Variants in PPID observed in about 807,000 individuals in gnomAD.
PPID encodes the protein peptidyl-prolyl cis-trans isomerase D.
A neutral mutation model predicts 48.1 loss-of-function variants in PPID; 47 were observed. That is an observed-to-expected ratio of 0.98 (90% CI 0.77 to 1.25). PPID has a LOEUF of 1.25. Among genes scored for constraint, PPID ranks in the 50% most tolerant of loss-of-function variants. The probability of loss-of-function intolerance (pLI) is 0.00; values close to 1 mark genes in which losing one functional copy is unlikely to be tolerated. For synonymous variants in PPID, 163 were observed against 148.8 expected (o/e 1.10, Z -0.69); for missense variants, 429 against 443.5 (o/e 0.97, Z 0.29).
At chr4:158,717,384 A>G (rs1353570252) in intron 3 of PPID, among the ~76,000 whole-genome samples, 184 bp from the exon 4 acceptor site, 1 of 152,160 alleles carries the variant, frequency 6.6e-6, no homozygotes, top group Non-Finnish European at 1.5e-5. Flanking sequence ...TTTTTTATAA[A>G]CTGCAACCTT....
Position 158,715,410 on chromosome 4 carries a change from A to C in PPID, c.646-7T>G. On this transcript the variant is annotated splice_region_variant and splice_polypyrimidine_tract_variant and intron_variant, in intron 5 of 9. Transcript: ENST00000307720. Reference sequence around the variant, plus strand: ...TTAATAAAATTTTATCTACCTGTATAAAAAAATACAAATATGTTGGATTTT... The same window carrying C: ...TTAATAAAATTTTATCTACCTGTATCAAAAAATACAAATATGTTGGATTTT... The C allele has an allele frequency of 6.7e-7, 1 of 1,489,916 alleles. No individual in the cohort carries two copies. The highest frequency in any genetic ancestry group is 1.9e-4 in the Middle Eastern group (1 of 5,262). 92.3% of individuals were successfully genotyped at this position (1,489,916 alleles called of 1,614,324 possible). A position where few individuals can be genotyped will look rare whatever the true frequency, so the allele number is the denominator to read the frequency against.
intron 2 of PPID, among the ~76,000 whole-genome samples, 193 bp downstream of exon 2, chr4:158,721,150 A>T (rs1030441576): frequency 6.6e-6 from 1 of 152,218 alleles, no homozygotes; most frequent in African/African-American, 2.4e-5. Context: ...ATTTCTCTAT[A>T]GATAAACCTT....
At chr4:158,715,231 T>C (rs1774851340) in intron 6 of PPID, 66 bp downstream of exon 6, 3 of 1,253,626 alleles carry the variant, frequency 2.4e-6, no homozygotes, top group Admixed American at 3.4e-5. Context: ...TAATGAGCAA[T>C]TCTTAATTTT....
intron 6 of PPID, among the ~76,000 whole-genome samples, 179 bp downstream of exon 6, chr4:158,715,118 A>G (rs932114903): frequency 6.7e-6 from 1 of 148,674 alleles, no homozygotes; most frequent in African/African-American, 2.5e-5. Flanking sequence ...CTACTCGTTC[A>G]ACTTCTGTCT....
chr4:158,710,436 G>T, intron 9 of PPID, 192 bp downstream of exon 9: 2 of 628,914 alleles, frequency 3.2e-6, no homozygotes, highest in East Asian at 5.5e-5. Flanking sequence ...AATGGGAGTA[G>T]AATGTAAGCT....
rs148824218 is a variant in PPID at position 158,721,370 on chromosome 4, G to A, written c.199C>T (p.His67Tyr). The A allele has an allele frequency of 1.7e-5, 27 of 1,614,102 alleles. No individual in the cohort carries two copies. In the African/African-American group the frequency reaches 2.1e-4, roughly 13 times the overall value. The part of the protein sequence containing the change: ...GIGHTTGKPL[H>Y]FKGCPFHRII... Reference sequence around the variant, plus strand: ...CGATGAAAAGGGCATCCTTTGAAATGGAGAGGTTTCCCAGTCGTGTGTCCA... The same window carrying A: ...CGATGAAAAGGGCATCCTTTGAAATAGAGAGGTTTCCCAGTCGTGTGTCCA... Residue 67 changes from histidine (H) to tyrosine (Y), a missense_variant, in exon 2 of 10, where the codon CAT becomes TAT. By Grantham distance (83) the His-to-Tyr change is moderately conservative. Transcript: ENST00000307720.
At chr4:158,721,873 T>A (rs1032086210) in intron 1 of PPID, among the ~76,000 whole-genome samples, 1 of 152,214 alleles carries the variant, frequency 6.6e-6, no homozygotes, top group Non-Finnish European at 1.5e-5. Context: ...ATTCATGTTG[T>A]CAGAAGTGAC....
At position 158,723,290 on chromosome 4, in the gene PPID, T is replaced by C. The variant is rs1774994502; in HGVS notation, c.-2A>G. 8.1e-6 allele frequency: 13 copies of C among 1,613,426 alleles called. No individual in the cohort carries two copies. The highest frequency in any genetic ancestry group is 1.3e-5 in the African/African-American group (1 of 75,014). On this transcript the variant is annotated 5_prime_UTR_variant, in exon 1 of 10. Coordinates refer to ENST00000307720, the MANE Select transcript of PPID (RefSeq NM_005038.3). ...GGCTTGGGGGGACGGGTGCGACATC[T>C]TGACTTGCAGACGTGTTTAGTACGG...
chr4:158,721,942 T>TA (rs1412943282), intron 1 of PPID, among the ~76,000 whole-genome samples: 8 of 152,140 alleles, frequency 5.3e-5, no homozygotes, highest in South Asian at 2.1e-4. Context: ...TATCAAATTT[T>TA]AAAAAAAATC....
chr4:158,717,857 G>A (rs1774896855), intron 3 of PPID, among the ~76,000 whole-genome samples: 1 of 152,124 alleles, frequency 6.6e-6, no homozygotes, highest in Admixed American at 6.5e-5. Flanking sequence ...TTCTACCTTG[G>A]CATAATCCTG....
At chr4:158,714,249 T>G (rs954016078) in intron 6 of PPID, among the ~76,000 whole-genome samples, 2 of 152,202 alleles carry the variant, frequency 1.3e-5, no homozygotes, top group African/African-American at 4.8e-5. Context: ...CACCTCAGAC[T>G]AACAAATGCT....
chr4:158,710,586 AAAT>A, intron 9 of PPID, 39 bp downstream of exon 9: 1 of 1,585,710 alleles, frequency 6.3e-7, no homozygotes, highest in Non-Finnish European at 8.7e-7. Context: ...ATAAGTATTT[AAAT>A]AACAAAATTA....
intron 4 of PPID, among the ~76,000 whole-genome samples, chr4:158,716,452 G>C (rs1352998452): frequency 1.3e-5 from 2 of 151,552 alleles, no homozygotes; most frequent in African/African-American, 4.9e-5. Flanking sequence ...CAGTTTTGCA[G>C]GTATAGGAAG....
chr4:158,714,402 A>G (rs1774835812), intron 6 of PPID, among the ~76,000 whole-genome samples: 1 of 152,196 alleles, frequency 6.6e-6, no homozygotes, highest in Admixed American at 6.5e-5. Context: ...AATCTTAAGG[A>G]AACAAACACA....
At chr4:158,715,482 AAAC>A (rs1330665341) in intron 5 of PPID, 77 bp downstream of exon 5, 5 of 1,556,940 alleles carry the variant, frequency 3.2e-6, no homozygotes, top group East Asian at 2.3e-5. Flanking sequence ...TGAGAGACTG[AAAC>A]AAAAGCTCAA....
chr4:158,717,112 T>A lies in PPID; in HGVS notation c.422A>T (p.His141Leu), dbSNP rs1029605285. The change falls in exon 4 of 10, where the codon CAT becomes CTT. Residue 141 changes from histidine to leucine, a missense_variant. By Grantham distance (99) the His-to-Leu change is moderately conservative (BLOSUM62 -3). Transcript: ENST00000307720. ...QFFITTVPTP[H>L]LDGKHVVFGQ... Reference sequence around the variant, plus strand: ...AAACACCACATGTTTCCCATCCAAATGAGGAGTTGGAACTGTTGTGATAAA... The same window carrying A: ...AAACACCACATGTTTCCCATCCAAAAGAGGAGTTGGAACTGTTGTGATAAA... 2.5e-6 allele frequency: 4 copies of A among 1,613,898 alleles called. No individual in the cohort carries two copies. The African/African-American group carries it at 4.0e-5, about 16-fold the overall frequency.
At chr4:158,719,904 A>G (rs1203132114) in intron 2 of PPID, among the ~76,000 whole-genome samples, 2 of 152,228 alleles carry the variant, frequency 1.3e-5, no homozygotes, top group Non-Finnish European at 2.9e-5. Flanking sequence ...ACACAGCGAG[A>G]TGACGGGAAA....
Position 158,710,660 on chromosome 4 carries a change from T to C in PPID, c.992A>G (p.Lys331Arg). 1 of 1,613,968 alleles carries C rather than the reference T, an allele frequency of 6.2e-7. No homozygotes were observed. The highest frequency in any genetic ancestry group is 8.5e-7 in the Non-Finnish European group (1 of 1,179,852). Reference protein sequence around the residue: ...KEYDQALADLKKAQGIAPEDK... With the variant: ...KEYDQALADLRKAQGIAPEDK... ...TTCTGGTGCTATCCCCTGAGCTTTCTTAAGATCAGCCTTTAATTGGAAAAA... is the reference window on the plus strand; with the variant it reads ...TTCTGGTGCTATCCCCTGAGCTTTCCTAAGATCAGCCTTTAATTGGAAAAA... Residue 331 changes from lysine to arginine, a missense_variant, in exon 9 of 10, where the codon AAG (lysine) becomes AGG (arginine). Transcript: ENST00000307720.
intron 7 of PPID, among the ~76,000 whole-genome samples, chr4:158,711,094 G>A (rs1440290634): frequency 1.3e-5 from 2 of 152,138 alleles, no homozygotes; most frequent in Admixed American, 6.5e-5. Flanking sequence ...TCAATCTCCC[G>A]AATGGGCCTG....
Sources: gnomAD v4.1 joint callset for allele counts (sites outside exome capture counted in the v4.1 genomes callset) on GRCh38, gnomAD v4.1.1 for gene constraint, MANE v1.5 for transcripts, NCBI Gene and HGNC (gene_info 2026-07-23, HGNC 2026-07-21) for gene names.